SLC35F4: variants seen among roughly 807,000 people sequenced by gnomAD.
SLC35F4 encodes the protein chromosome 14 open reading frame 36.
In SLC35F4, 24 loss-of-function variants were observed where a neutral mutation model predicts 44.2. The observed-to-expected ratio is 0.54, with a 90% CI of 0.39 to 0.76. The LOEUF (loss-of-function observed/expected upper bound fraction) is 0.76, where lower values mean the gene tolerates loss of function less well. SLC35F4 is among the 30% of genes least tolerant of loss of function. SLC35F4 has a pLI of 0.00. For synonymous variants in SLC35F4, 238 were observed against 223.6 expected, an observed-to-expected ratio of 1.06 and a Z score of -0.57; for missense variants, 562 against 586.1, an observed-to-expected ratio of 0.96 and a Z score of 0.42.
chr14:57,653,570 A>ATGT (rs2073861260), intron 1 of SLC35F4, among the ~76,000 whole-genome samples: 1 of 152,162 alleles, frequency 6.6e-6, no homozygotes, highest in Non-Finnish European at 1.5e-5. Flanking sequence ...TCTTTGACAT[A>ATGT]CTTTCTATCA....
chr14:57,844,947 C>T (rs1346021573), intron 1 of SLC35F4, among the ~76,000 whole-genome samples: 3 of 152,080 alleles, frequency 2.0e-5, no homozygotes, highest in African/African-American at 4.8e-5. Context: ...CCCCACCCCC[C>T]CATGCACATA....
At chr14:57,679,085 C>A (rs2074801424) in intron 1 of SLC35F4, among the ~76,000 whole-genome samples, 1 of 151,966 alleles carries the variant, frequency 6.6e-6, no homozygotes, top group Admixed American at 6.6e-5. Context: ...TTCTTCTCAG[C>A]ACATCACACT....
intron 1 of SLC35F4, among the ~76,000 whole-genome samples, chr14:57,650,270 C>A (rs2073730530): frequency 6.6e-6 from 1 of 152,120 alleles, no homozygotes; most frequent in Non-Finnish European, 1.5e-5. Context: ...AAATATCTCA[C>A]ATCCAGCTTT....
At chr14:57,865,633 C>CCGCGCGCG (rs1455064622) in intron 1 of SLC35F4, 90 bp downstream of exon 1, 1 of 1,104,182 alleles carries the variant, frequency 9.1e-7, no homozygotes, top group Admixed American at 2.8e-5. Flanking sequence ...GGTGTCCGTA[C>CCGCGCGCG]CGCGCGCCCG....
downstream of SLC35F4, among the ~76,000 whole-genome samples, chr14:57,974,720 G>A (rs1215126329): frequency 6.6e-6 from 1 of 151,946 alleles, no homozygotes; most frequent in Non-Finnish European, 1.5e-5. Context: ...AAGAAGTGTT[G>A]AAAAAAGGAT....
intron 1 of SLC35F4, among the ~76,000 whole-genome samples, chr14:57,673,210 G>C (rs189668994): frequency 2.6e-5 from 4 of 152,096 alleles, no homozygotes; most frequent in Non-Finnish European, 5.9e-5. Flanking sequence ...AAGCATTCAA[G>C]GATTATGGTG....
In SLC35F4 at chr14:57,589,919, C is replaced by A. The variant is rs139569619; in HGVS notation, c.290-406G>T. 3.9e-3 allele frequency among the ~76,000 whole-genome samples: 592 copies of A among 152,292 alleles called. 4 individuals carry two copies. Among genetic ancestry groups the A allele is most frequent in the African/African-American group, 0.013 (555 of 41,562 alleles). On this transcript the variant is annotated intron_variant, in intron 2 of 7. Transcript: ENST00000556826. The stretch of plus-strand genomic sequence containing the variant: ...AAGCCTTAGGAGGCATCCCAAGGTC[C>A]TACCAGCTCTCTTGCTCTTCCCCTC...
At chr14:57,738,309 G>T (rs59987465) in intron 1 of SLC35F4, among the ~76,000 whole-genome samples, 1 of 152,186 alleles carries the variant, frequency 6.6e-6, no homozygotes, top group Admixed American at 6.5e-5. Context: ...CCTAGGAAGA[G>T]AAATCGCCAA....
chr14:57,859,899 C>T (rs1253546912), intron 1 of SLC35F4, among the ~76,000 whole-genome samples: 3 of 152,130 alleles, frequency 2.0e-5, no homozygotes, highest in African/African-American at 7.2e-5. Flanking sequence ...AAGGAAAAGG[C>T]ACATTTTAAG....
At chr14:57,618,493 G>A (rs568598075) in intron 1 of SLC35F4, among the ~76,000 whole-genome samples, 2 of 152,116 alleles carry the variant, frequency 1.3e-5, no homozygotes, top group Non-Finnish European at 2.9e-5. Flanking sequence ...TGTGAGGAAC[G>A]GTGCACTCTG....
At chr14:57,745,778 C>A (rs76521711) in intron 1 of SLC35F4, among the ~76,000 whole-genome samples, 1 of 151,864 alleles carries the variant, frequency 6.6e-6, no homozygotes, top group Non-Finnish European at 1.5e-5. Flanking sequence ...TAAAGACACA[C>A]GCACCCATAT....
chr14:57,940,081 C>T (rs1220679144), intron 1 of SLC35F4, among the ~76,000 whole-genome samples: 3 of 152,140 alleles, frequency 2.0e-5, no homozygotes, highest in Admixed American at 2.0e-4. Flanking sequence ...CCATTATACT[C>T]CAACATCCTC....
chr14:57,686,179 CAT>C (rs1284406266), intron 1 of SLC35F4, among the ~76,000 whole-genome samples: 1 of 152,120 alleles, frequency 6.6e-6, no homozygotes, highest in Non-Finnish European at 1.5e-5. Context: ...CGTTGATTCT[CAT>C]ATTACTGGGT....
At chr14:57,570,062 C>G (rs1419296018) in intron 5 of SLC35F4, 82 bp from the exon 6 acceptor site, 3 of 1,282,702 alleles carry the variant, frequency 2.3e-6, no homozygotes, top group Non-Finnish European at 3.1e-6. Context: ...ATACTGTGAG[C>G]TAACTGGCCC....
At chr14:57,768,235 C>A (rs1358522757) in intron 1 of SLC35F4, among the ~76,000 whole-genome samples, 1 of 152,140 alleles carries the variant, frequency 6.6e-6, no homozygotes, top group Non-Finnish European at 1.5e-5. Flanking sequence ...TTACCTACAT[C>A]AAAATGCTTT....
At chr14:57,948,793 C>T (rs922111678) in intron 1 of SLC35F4, among the ~76,000 whole-genome samples, 2 of 152,014 alleles carry the variant, frequency 1.3e-5, no homozygotes, top group African/African-American at 4.8e-5. Flanking sequence ...ATTGTTGACC[C>T]AAATATCATT....
chr14:57,919,049 C>G (rs752593470), intron 1 of SLC35F4, among the ~76,000 whole-genome samples: 1 of 152,122 alleles, frequency 6.6e-6, no homozygotes, highest in Non-Finnish European at 1.5e-5. Flanking sequence ...CTGGCTCTTA[C>G]CAATGGAATG....
intron 1 of SLC35F4, among the ~76,000 whole-genome samples, chr14:57,635,245 C>CA (rs201670634): frequency 0.049 from 5,712 of 115,842 alleles, 328 homozygotes; most frequent in African/African-American, 0.15. Context: ...GACTCTTACT[C>CA]AAAAAAAAAA....
intron 1 of SLC35F4, among the ~76,000 whole-genome samples, chr14:57,801,019 C>T (rs1371959028): frequency 6.6e-6 from 1 of 152,046 alleles, no homozygotes; most frequent in Non-Finnish European, 1.5e-5. Flanking sequence ...ATGCAGAGAA[C>T]CCCAGTAAGA....
Sources: gnomAD v4.1 joint callset for allele counts (sites outside exome capture counted in the v4.1 genomes callset) on GRCh38, gnomAD v4.1.1 for gene constraint, MANE v1.5 for transcripts, NCBI Gene and HGNC (gene_info 2026-07-23, HGNC 2026-07-21) for gene names.